The following RFC3 variants were observed in gnomAD, a reference collection of about 807,000 sequenced individuals.
RFC3 encodes the protein A1 38 kDa subunit.
Under a neutral mutation model 45.1 loss-of-function variants are expected in RFC3, and 41 were observed. That is an observed-to-expected ratio of 0.91 (90% confidence interval 0.71 to 1.18). RFC3 has a LOEUF of 1.18. Ranked by LOEUF, RFC3 falls within the 50% of genes most tolerant of loss-of-function variation. The pLI is 0.00. For synonymous variants in RFC3, 149 were observed against 144.0 expected (o/e 1.03, Z -0.25); for missense variants, 423 against 428.1 (o/e 0.99, Z 0.10).
the RFC3 span, among the ~76,000 whole-genome samples, chr13:33,974,696 G>C: frequency 1.3e-5 from 2 of 152,192 alleles, no homozygotes; most frequent in Non-Finnish European, 2.9e-5. Context: ...AGATGAAAAA[G>C]GCTCAGACTA....
At chr13:33,820,526 G>C (rs1357018047) in intron 1 of RFC3, among the ~76,000 whole-genome samples, 2 of 152,164 alleles carry the variant, frequency 1.3e-5, no homozygotes, top group Non-Finnish European at 2.9e-5. Context: ...CAGATACCTA[G>C]AGCCATTCAA....
At chr13:33,908,155 C>T (rs1304657584) in intron 8 of RFC3, among the ~76,000 whole-genome samples, 1 of 151,834 alleles carries the variant, frequency 6.6e-6, no homozygotes, top group South Asian at 2.1e-4. Context: ...ATAATTTGCA[C>T]TGCATTTATC....
chr13:33,868,953 T>C (rs1280165721), intron 8 of RFC3, among the ~76,000 whole-genome samples: 1 of 152,186 alleles, frequency 6.6e-6, no homozygotes, highest in Non-Finnish European at 1.5e-5. Flanking sequence ...GTTCCAGTGG[T>C]ACAAAGCCAG....
chr13:33,848,749 A>G (rs2082256540), intron 8 of RFC3: 1 of 152,086 alleles, frequency 6.6e-6, no homozygotes, highest in Non-Finnish European at 1.5e-5. Flanking sequence ...AGCATAAGAG[A>G]TTTAAACCAA....
At chr13:33,974,204 C>T in the RFC3 span, among the ~76,000 whole-genome samples, 15 of 152,152 alleles carry the variant, frequency 9.9e-5, no homozygotes, top group Admixed American at 6.5e-5. Flanking sequence ...TTGGGGGAAA[C>T]GATCATGAAA....
chr13:33,950,971 C>G (rs1199964331), intron 8 of RFC3, among the ~76,000 whole-genome samples: 1 of 150,432 alleles, frequency 6.6e-6, no homozygotes. Flanking sequence ...CCATGCCATA[C>G]AACTTCTACC....
chr13:33,834,329 T>TATATATATATATATATACATAC (rs1300798923), intron 7 of RFC3, among the ~76,000 whole-genome samples: 1 of 125,104 alleles, frequency 8.0e-6, no homozygotes, highest in African/African-American at 3.4e-5. Flanking sequence ...TATATATATA[T>TATATATATATATATATACATAC]ATCTGTACTG....
chr13:33,858,559 C>T (rs556762866), intron 8 of RFC3, among the ~76,000 whole-genome samples: 3 of 152,208 alleles, frequency 2.0e-5, no homozygotes, highest in Admixed American at 6.5e-5. Flanking sequence ...CAAATAATCA[C>T]GTTCATGTTC....
At chr13:33,885,466 A>G (rs2082514913) in intron 8 of RFC3, among the ~76,000 whole-genome samples, 1 of 152,064 alleles carries the variant, frequency 6.6e-6, no homozygotes, top group African/African-American at 2.4e-5. Flanking sequence ...ACATTAAGTA[A>G]TTTCTCAGCC....
chr13:33,833,329 G>GAT (rs1402211966), intron 7 of RFC3, among the ~76,000 whole-genome samples: 1 of 151,714 alleles, frequency 6.6e-6, no homozygotes, highest in Non-Finnish European at 1.5e-5. Context: ...TTATTTAATT[G>GAT]ATATAACACA....
chr13:33,872,563 G>A (rs1370440088), intron 8 of RFC3, among the ~76,000 whole-genome samples: 2 of 151,932 alleles, frequency 1.3e-5, no homozygotes, highest in Admixed American at 6.6e-5. Flanking sequence ...GAGAAACCCC[G>A]TCTCTACTAA....
chr13:33,938,184 C>CAAAAAAAAAAAAAAAAAAAAAAA (rs34685731), intron 8 of RFC3, among the ~76,000 whole-genome samples: 9 of 70,766 alleles, frequency 1.3e-4, no homozygotes, highest in Admixed American at 5.3e-4. Flanking sequence ...AGTCCAACTG[C>CAAAAAAAAAAAAAAAAAAAAAAA]AAAAAAAAAA....
In RFC3 at chr13:33,831,267, C is replaced by T. The variant is rs1186907432; in HGVS notation, c.722C>T (p.Thr241Ile). The T allele has an allele frequency of 6.3e-7, 1 of 1,594,256 alleles. No homozygotes were observed. The stretch of plus-strand genomic sequence containing the variant: ...TTTTTGTCATGTAGATATCCTTTTA[C>T]TGCAGATCAAGAAATCCCTGAGACA... ...EACRVQQYPF[T>I]ADQEIPETDW... Residue 241 changes from threonine to isoleucine, a missense_variant, in exon 7 of 9, where the codon ACT (threonine) becomes ATT (isoleucine). Transcript: ENST00000380071.
At chr13:33,925,133 CATAT>C (rs1430763099) in intron 8 of RFC3, among the ~76,000 whole-genome samples, 5 of 146,952 alleles carry the variant, frequency 3.4e-5, no homozygotes, top group African/African-American at 1.0e-4. Context: ...TATATACATG[CATAT>C]ATAGTGTACT....
At chr13:33,869,765 G>A (rs1204137160) in intron 8 of RFC3, among the ~76,000 whole-genome samples, 2 of 152,150 alleles carry the variant, frequency 1.3e-5, no homozygotes, top group African/African-American at 4.8e-5. Context: ...TTCACATTGC[G>A]AGAGTTAATC....
rs746532271 is a variant in RFC3 at position 33,823,933 on chromosome 13, A to C, written c.242A>C (p.Lys81Thr). 6 of 1,563,916 alleles carry C rather than the reference A, an allele frequency of 3.8e-6. No individual in the cohort carries two copies. Among genetic ancestry groups the C allele is most frequent in the Non-Finnish European group, 4.4e-6 (5 of 1,141,660 alleles). Reference protein sequence around the residue: ...HQTITTPSKKKIEISTIASNY... With the variant: ...HQTITTPSKKTIEISTIASNY... Reference sequence around the variant, plus strand: ...TGTCCACAGACTCCATCTAAAAAAAAAATTGAAATTAGCACCATTGCAAGT... The same window carrying C: ...TGTCCACAGACTCCATCTAAAAAAACAATTGAAATTAGCACCATTGCAAGT... The change falls in exon 3 of 9, where the codon AAA becomes ACA. Residue 81 changes from lysine (K) to threonine (T), a missense_variant. Transcript: ENST00000380071.
intron 8 of RFC3, among the ~76,000 whole-genome samples, chr13:33,880,929 G>A (rs866048869): frequency 3.3e-5 from 5 of 152,190 alleles, no homozygotes; most frequent in Non-Finnish European, 7.4e-5. Flanking sequence ...GGTGGTGGGC[G>A]CCTGTAGTCC....
At position 33,824,982 on chromosome 13, in the gene RFC3, A is replaced by G. The variant is rs2082035802; in HGVS notation, c.294-807A>G. Among the ~76,000 whole-genome samples the G allele has an allele frequency of 5.9e-5, 9 of 152,142 alleles. 1 individual carries two copies. The highest frequency in any genetic ancestry group is 5.9e-4 in the Admixed American group (9 of 15,258). ...AACACTGTAGGTATATTGATCTATA[A>G]TAATAGTAGTGACTTGGGAAAACTT... is the stretch of plus-strand genomic sequence containing the variant. On this transcript the variant is annotated intron_variant, in intron 3 of 8. Coordinates refer to ENST00000380071, the MANE Select transcript of RFC3 (RefSeq NM_002915.4).
In RFC3 at chr13:33,818,178, C is replaced by T. The variant is rs371311426; in HGVS notation, c.-1C>T. The T allele has an allele frequency of 8.1e-6, 13 of 1,612,518 alleles. No individual in the cohort carries two copies. In the East Asian group the frequency reaches 1.8e-4, roughly 22 times the overall value. On this transcript the variant is annotated 5_prime_UTR_variant, in exon 1 of 9. Transcript: ENST00000380071. ...GTAGGCCCCCGGGAACTCGAGCTGC[C>T]ATGAGCCTCTGGGTGGACAAGTATC...
Sources: gnomAD v4.1 joint callset for allele counts (sites outside exome capture counted in the v4.1 genomes callset) on GRCh38, gnomAD v4.1.1 for gene constraint, MANE v1.5 for transcripts, NCBI Gene and HGNC (gene_info 2026-07-23, HGNC 2026-07-21) for gene names.